FSD2: variants seen among roughly 807,000 people sequenced by gnomAD.
FSD2 encodes the protein fibronectin type III and SPRY domain-containing protein 2.
Under a neutral mutation model 80.4 loss-of-function variants are expected in FSD2, and 71 were observed. The ratio of observed to expected loss-of-function variants is 0.88; its 90% CI spans 0.73 to 1.08. The LOEUF (loss-of-function observed/expected upper bound fraction) is 1.08. Among genes scored for constraint, FSD2 ranks in the 50% least tolerant of loss-of-function variants. The pLI is 0.00. For synonymous variants in FSD2, 361 were observed against 329.5 expected (o/e 1.10, Z -1.03); for missense variants, 923 against 913.8 (o/e 1.01, Z -0.13).
At position 82,782,325 on chromosome 15, in the gene FSD2, A is replaced by G. The variant is rs1023014626; in HGVS notation, c.966+470T>C. Among the ~76,000 whole-genome samples, 6 of 146,194 alleles carry G rather than the reference A, an allele frequency of 4.1e-5. No individual in the cohort carries two copies. In the East Asian group the frequency reaches 6.7e-4, roughly 16 times the overall value. On this transcript the variant is annotated intron_variant, in intron 4 of 12. Coordinates refer to ENST00000334574, the MANE Select transcript of FSD2 (RefSeq NM_001007122.4). ...TGAGGCAGGAGAATGGCGTGAACCC[A>G]GGAGGCAGAGCTGGCGGTGAGCCGA...
Position 82,786,814 on chromosome 15 carries a change from CCTT to C in FSD2, c.574_576del (p.Lys192del). ...TCATGCTCCTTATGTTCATCAAAAA[CCTT>C]CTGAAAAGCTCTTATTGGAGTCTTA... is the stretch of plus-strand genomic sequence containing the variant. On this transcript the variant is annotated inframe_deletion, in exon 2 of 13. Coordinates refer to ENST00000334574, the MANE Select transcript of FSD2 (RefSeq NM_001007122.4). The C allele has an allele frequency of 6.2e-7, 1 of 1,614,020 alleles. No homozygotes were observed. Among genetic ancestry groups the C allele is most frequent in the Non-Finnish European group, 8.5e-7 (1 of 1,179,886 alleles).
rs776705415 is a variant in FSD2, at chr15:82,762,113, A to C, written c.1986T>G (p.Phe662Leu). 14 of 1,599,256 alleles carry C rather than the reference A, an allele frequency of 8.8e-6. No individual in the cohort carries two copies. In the Admixed American group the frequency reaches 2.3e-4, roughly 26 times the overall value. The change falls in exon 12 of 13, where the codon TTT (phenylalanine) becomes TTG (leucine). Residue 662 changes from phenylalanine to leucine, a missense_variant. Physicochemically the swap from Phe to Leu is conservative, Grantham distance 22 (BLOSUM62 0). Coordinates refer to ENST00000334574, the MANE Select transcript of FSD2 (RefSeq NM_001007122.4). ...NCLSWCMRHT[F>L]ASSRHKYEFL... The stretch of plus-strand genomic sequence containing the variant: ...AGATTTTACTTTACCTTGATGATGC[A>C]AATGTGTGCCTCATGCACCAGGAGA...
rs1263737542 is a variant in FSD2, at chr15:82,756,283, A to G, written c.*3065T>C. On this transcript the variant is annotated 3_prime_UTR_variant, in exon 13 of 13. Transcript: ENST00000334574. ...GCTGAACCGCCTTGCATCAAGACCA[A>G]TGTAGTCTTATTTACAGAATGCCAC... 14 of 197,788 alleles carry G rather than the reference A, an allele frequency of 7.1e-5. No homozygotes were observed. The highest frequency in any genetic ancestry group is 4.9e-4 in the South Asian group (6 of 12,140). 12.3% of individuals were successfully genotyped at this position (197,788 alleles called of 1,614,324 possible).
intron 3 of FSD2, among the ~76,000 whole-genome samples, chr15:82,785,547 C>T (rs1333383978): frequency 6.6e-6 from 1 of 152,132 alleles, no homozygotes; most frequent in Non-Finnish European, 1.5e-5. Flanking sequence ...TGGTCTCGAA[C>T]TCCTAACCTC....
At chr15:82,771,855 G>C (rs2049583140) in intron 7 of FSD2, among the ~76,000 whole-genome samples, 1 of 152,244 alleles carries the variant, frequency 6.6e-6, no homozygotes, top group Non-Finnish European at 1.5e-5. Flanking sequence ...CTGTAGATAT[G>C]CTCCAGACCC....
chr15:82,791,941 A>G (rs894154663), intron 1 of FSD2, among the ~76,000 whole-genome samples: 2 of 152,208 alleles, frequency 1.3e-5, no homozygotes, highest in African/African-American at 4.8e-5. Flanking sequence ...CCAGAAAAGT[A>G]TTCCGTTGTA....
intron 12 of FSD2, among the ~76,000 whole-genome samples, chr15:82,760,732 C>T (rs1027846916): frequency 1.8e-4 from 14 of 79,432 alleles, no homozygotes; most frequent in Non-Finnish European, 2.4e-4. Flanking sequence ...CACGTGTGTG[C>T]GTGCACGCAC....
At chr15:82,802,911 A>G (rs1596269078) in intron 1 of FSD2, among the ~76,000 whole-genome samples, 1 of 152,086 alleles carries the variant, frequency 6.6e-6, no homozygotes, top group African/African-American at 2.4e-5. Context: ...ACCTTACCAC[A>G]TGCATGGTCT....
Position 82,778,760 on chromosome 15 carries a change from G to A in FSD2, c.1111+6C>T, listed in dbSNP as rs755952667. ...CCTGCCGCGAAGTACACACACAGGT[G>A]AGCACCTGGAATGGTGTTAATGGAG... On this transcript the variant is annotated splice_donor_region_variant and intron_variant, in intron 6 of 12. Transcript: ENST00000334574. 1 of 1,605,114 alleles carries A rather than the reference G, an allele frequency of 6.2e-7. No homozygotes were observed.
At position 82,786,954 on chromosome 15, in the gene FSD2, A is replaced by G; in HGVS notation, c.437T>C (p.Leu146Ser). The G allele has an allele frequency of 6.2e-7, 1 of 1,613,948 alleles. No homozygotes were observed. The highest frequency in any genetic ancestry group is 8.5e-7 in the Non-Finnish European group (1 of 1,179,884). The change falls in exon 2 of 13, where the codon TTG (leucine) becomes TCG (serine). Residue 146 changes from leucine to serine, a missense_variant. Coordinates refer to ENST00000334574, the MANE Select transcript of FSD2 (RefSeq NM_001007122.4). ...GTGTGTGTACCTATAGGCTTCCCGC[A>G]AGTCCTGGCACTGGCCTGCTGAGCC... ...GWGSAGQCQD[L>S]REAYRYTHGR...
At chr15:82,763,427 C>G (rs780814080) in intron 11 of FSD2, among the ~76,000 whole-genome samples, 2 of 152,182 alleles carry the variant, frequency 1.3e-5, no homozygotes, top group African/African-American at 4.8e-5. Context: ...TCTCATCCGT[C>G]AACTGGGATT....
chr15:82,778,081 G>C (rs1221029272), intron 6 of FSD2, among the ~76,000 whole-genome samples: 2 of 134,714 alleles, frequency 1.5e-5, no homozygotes, highest in Non-Finnish European at 3.1e-5. Context: ...GGCCAGCCTG[G>C]GCAACATAGC....
At chr15:82,760,863 T>C (rs771805663) in intron 12 of FSD2, among the ~76,000 whole-genome samples, 51 of 152,178 alleles carry the variant, frequency 3.4e-4, no homozygotes, top group Non-Finnish European at 6.3e-4. Flanking sequence ...TGTGTCTTCT[T>C]ACCCCCTTTA....
At chr15:82,767,441 G>A (rs998031086) in intron 9 of FSD2, among the ~76,000 whole-genome samples, 2 of 152,180 alleles carry the variant, frequency 1.3e-5, no homozygotes, top group South Asian at 4.1e-4. Context: ...AGGGAGGGGA[G>A]CTGGTGTGGG....
Position 82,765,274 on chromosome 15 carries a change from T to A in FSD2, c.1712A>T (p.Asp571Val). The A allele has an allele frequency of 6.2e-7, 1 of 1,613,208 alleles. No homozygotes were observed. Among genetic ancestry groups the A allele is most frequent in the Non-Finnish European group, 8.5e-7 (1 of 1,179,606 alleles). ...TIGSYFRLNK[D>V]TCHPWLTISE... ...AATGGTCAGCCAGGGATGGCAAGTGTCCTTGTTTAGGCGAAAGTAGCTTCC... is the reference window on the plus strand; with the variant it reads ...AATGGTCAGCCAGGGATGGCAAGTGACCTTGTTTAGGCGAAAGTAGCTTCC... The change falls in exon 11 of 13, where the codon GAC becomes GTC. Residue 571 changes from aspartate to valine, a missense_variant. Asp to Val is a radical substitution (Grantham distance 152, BLOSUM62 -3). Coordinates refer to ENST00000334574, the MANE Select transcript of FSD2 (RefSeq NM_001007122.4).
chr15:82,761,021 T>C (rs2049285226), intron 12 of FSD2, among the ~76,000 whole-genome samples: 1 of 152,206 alleles, frequency 6.6e-6, no homozygotes, highest in South Asian at 2.1e-4. Flanking sequence ...CCTCAGTGTA[T>C]AGTAATTCTT....
At chr15:82,776,158 G>T (rs956452746) in intron 6 of FSD2, among the ~76,000 whole-genome samples, 4 of 152,034 alleles carry the variant, frequency 2.6e-5, no homozygotes, top group African/African-American at 9.7e-5. Flanking sequence ...ATGGTGGTGT[G>T]GGCCTGTAGT....
rs2050027736 is a variant in FSD2, at chr15:82,787,346, A to G, written c.45T>C (p.Thr15=). Reference sequence around the variant, plus strand: ...TGTGGTAAAAGTGGAAATCCTTGGGAGTAGACCTGTCCAGCCCCAGTTCCT... The same window carrying G: ...TGTGGTAAAAGTGGAAATCCTTGGGGGTAGACCTGTCCAGCCCCAGTTCCT... The part of the protein sequence containing the change: ...SGEELGLDRS[T]PKDFHFYHMD... The change falls in exon 2 of 13, where the codon ACT becomes ACC. Residue 15 remains threonine (T), a synonymous_variant. Coordinates refer to ENST00000334574, the MANE Select transcript of FSD2 (RefSeq NM_001007122.4). 5 of 1,613,746 alleles carry G rather than the reference A, an allele frequency of 3.1e-6. No individual in the cohort carries two copies. The highest frequency in any genetic ancestry group is 4.2e-6 in the Non-Finnish European group (5 of 1,179,756).
At chr15:82,761,158 G>C (rs1410834038) in intron 12 of FSD2, among the ~76,000 whole-genome samples, 1 of 152,162 alleles carries the variant, frequency 6.6e-6, no homozygotes, top group Non-Finnish European at 1.5e-5. Flanking sequence ...CCATGATAGA[G>C]GATCATGGGC....
Sources: allele counts gnomAD v4.1 joint callset (sites outside exome capture counted in the v4.1 genomes callset), GRCh38; gene constraint gnomAD v4.1.1; transcripts MANE v1.5; gene names NCBI Gene and HGNC (gene_info 2026-07-23, HGNC 2026-07-21).